Variants in ELAPOR2 observed in about 807,000 individuals in gnomAD.
ELAPOR2 encodes the protein endosome/lysosome-associated apoptosis and autophagy regulator family member 2.
In ELAPOR2, 89 loss-of-function variants were observed where a neutral mutation model predicts 120.7. The ratio of observed to expected loss-of-function variants is 0.74; its 90% CI spans 0.62 to 0.88. ELAPOR2 has a LOEUF of 0.88. ELAPOR2 is among the 40% of genes least tolerant of loss of function. The pLI is 0.00. For missense variants in ELAPOR2, 1,134 were observed against 1,251.6 expected (o/e 0.91, Z 1.42); for synonymous variants, 444 against 444.9 (o/e 1.00, Z 0.03).
chr7:87,011,599 T>G (rs891979099), intron 1 of ELAPOR2, among the ~76,000 whole-genome samples: 1 of 152,224 alleles, frequency 6.6e-6, no homozygotes, highest in Non-Finnish European at 1.5e-5. Flanking sequence ...CATTGTTGTA[T>G]AAAAAATACA....
intron 1 of ELAPOR2, among the ~76,000 whole-genome samples, chr7:87,008,822 G>A (rs1428288740): frequency 6.6e-6 from 1 of 152,212 alleles, no homozygotes; most frequent in African/African-American, 2.4e-5. Context: ...TGTAAACAGT[G>A]AACCTGGGTA....
rs187363794 is a variant in ELAPOR2 at position 86,923,809 on chromosome 7, A to G, written c.1399+1719T>C. On this transcript the variant is annotated intron_variant, in intron 10 of 21. Coordinates refer to ENST00000450689, the MANE Select transcript of ELAPOR2 (RefSeq NM_001142749.3). ...TTTCAATTTTTGTTGTTATAGATAA[A>G]GCCCAATGAACATCTTCATGAATAA... Among the ~76,000 whole-genome samples, 10 of 152,236 alleles carry G rather than the reference A, an allele frequency of 6.6e-5. No individual in the cohort carries two copies. In the East Asian group the frequency reaches 1.9e-3, roughly 30 times the overall value.
At chr7:86,980,571 A>G (rs1034435863) in intron 1 of ELAPOR2, among the ~76,000 whole-genome samples, 4 of 152,056 alleles carry the variant, frequency 2.6e-5, no homozygotes, top group African/African-American at 9.7e-5. Flanking sequence ...CTTGCATTCT[A>G]CGTTGACAAG....
chr7:87,041,864 C>A (rs1176912222), intron 1 of ELAPOR2, among the ~76,000 whole-genome samples: 1 of 151,804 alleles, frequency 6.6e-6, no homozygotes, highest in Admixed American at 6.6e-5. Flanking sequence ...ATTCAGGAAA[C>A]CCATCTCACG....
At chr7:86,934,526 C>T (rs1790479234) in intron 8 of ELAPOR2, among the ~76,000 whole-genome samples, 1 of 151,926 alleles carries the variant, frequency 6.6e-6, no homozygotes, top group South Asian at 2.1e-4. Flanking sequence ...TTCTTAACCA[C>T]TCTAATTTCT....
chr7:86,983,757 G>A (rs1241155196), intron 1 of ELAPOR2, among the ~76,000 whole-genome samples: 3 of 152,158 alleles, frequency 2.0e-5, no homozygotes, highest in Non-Finnish European at 4.4e-5. Flanking sequence ...GACCATCGAT[G>A]CTAGGAAGAA....
chr7:87,056,614 A>C (rs1337285604), intron 1 of ELAPOR2, among the ~76,000 whole-genome samples: 2 of 152,198 alleles, frequency 1.3e-5, no homozygotes, highest in East Asian at 3.8e-4. Flanking sequence ...TCGACTTCAT[A>C]ATCCAAAGAC....
intron 18 of ELAPOR2, among the ~76,000 whole-genome samples, chr7:86,902,526 C>T (rs1788773906): frequency 6.6e-6 from 1 of 152,124 alleles, no homozygotes; most frequent in South Asian, 2.1e-4. Flanking sequence ...GGAGAGCCAC[C>T]ATGAGCTGAT....
At chr7:86,904,007 T>C (rs780649191) in intron 18 of ELAPOR2, among the ~76,000 whole-genome samples, 2 of 152,092 alleles carry the variant, frequency 1.3e-5, no homozygotes, top group Non-Finnish European at 2.9e-5. Context: ...AGGAATTGGA[T>C]GAAAAAATGG....
At chr7:86,978,901 T>G (rs900067365) in intron 1 of ELAPOR2, among the ~76,000 whole-genome samples, 1 of 152,234 alleles carries the variant, frequency 6.6e-6, no homozygotes, top group African/African-American at 2.4e-5. Context: ...TTTTGTTTGA[T>G]CCTTGTGGCA....
At chr7:86,970,473 T>C (rs184547419) in intron 1 of ELAPOR2, among the ~76,000 whole-genome samples, 111 of 152,266 alleles carry the variant, frequency 7.3e-4, no homozygotes, top group South Asian at 1.2e-3. Context: ...CGAATTTAAG[T>C]GCTCAGCAAA....
chr7:86,889,636 CTTG>C (rs1788040195), intron 21 of ELAPOR2, among the ~76,000 whole-genome samples: 1 of 152,024 alleles, frequency 6.6e-6, no homozygotes, highest in South Asian at 2.1e-4. Context: ...CAATTTAAAA[CTTG>C]TTGTTTACTT....
rs540576200 is a variant in ELAPOR2, at chr7:86,900,467, A to T, written c.2559-2835T>A. ...TTTGGAAAGTTTAAAGCAATGCAAAAATATAAAAGACTATTAGCAATGCAT... is the reference window on the plus strand; with the variant it reads ...TTTGGAAAGTTTAAAGCAATGCAAATATATAAAAGACTATTAGCAATGCAT... On this transcript the variant is annotated intron_variant, in intron 18 of 21. Coordinates refer to ENST00000450689, the MANE Select transcript of ELAPOR2 (RefSeq NM_001142749.3). Among the ~76,000 whole-genome samples, 34 of 152,296 alleles carry T rather than the reference A, an allele frequency of 2.2e-4. No individual in the cohort carries two copies. In the South Asian group the frequency reaches 6.6e-3, roughly 30 times the overall value.
intron 2 of ELAPOR2, among the ~76,000 whole-genome samples, chr7:86,962,164 A>G (rs1382991694): frequency 6.6e-6 from 1 of 152,184 alleles, no homozygotes; most frequent in Non-Finnish European, 1.5e-5. Flanking sequence ...AAAAACAAAT[A>G]TATAATATAG....
In ELAPOR2 at chr7:86,946,157, T is replaced by TCACACA. The variant is rs1491424238; in HGVS notation, c.507-1112_507-1111insTGTGTG. Among the ~76,000 whole-genome samples, 258 of 110,604 alleles carry TCACACA rather than the reference T, an allele frequency of 2.3e-3. 1 individual carries two copies. The highest frequency in any genetic ancestry group is 0.01 in the African/African-American group (251 of 23,988). 72.6% of individuals were successfully genotyped at this position (110,604 alleles called of 152,430 possible). On this transcript the variant is annotated intron_variant, in intron 3 of 21. Coordinates refer to ENST00000450689, the MANE Select transcript of ELAPOR2 (RefSeq NM_001142749.3). ...CAAATTAAAACAAAGGGATACCATT[T>TCACACA]CTCACACACACACACACACACACAC...
intron 20 of ELAPOR2, among the ~76,000 whole-genome samples, chr7:86,892,517 GT>G (rs954364136): frequency 5.3e-5 from 8 of 151,544 alleles, no homozygotes; most frequent in Non-Finnish European, 1.2e-4. Context: ...ACTAGGTCTG[GT>G]TTTTTTTGCA....
intron 2 of ELAPOR2, among the ~76,000 whole-genome samples, chr7:86,953,505 T>C (rs1341445078): frequency 6.6e-6 from 1 of 152,228 alleles, no homozygotes; most frequent in African/African-American, 2.4e-5. Context: ...CACTGCTACC[T>C]TGGCATTTGT....
chr7:87,018,482 C>CT (rs1793937870), intron 1 of ELAPOR2, among the ~76,000 whole-genome samples: 1 of 152,044 alleles, frequency 6.6e-6, no homozygotes, highest in South Asian at 2.1e-4. Context: ...TTTGGATTGT[C>CT]TAAGAAATGA....
At chr7:86,889,172 T>G (rs932843908) in intron 21 of ELAPOR2, among the ~76,000 whole-genome samples, 4 of 152,104 alleles carry the variant, frequency 2.6e-5, no homozygotes, top group African/African-American at 7.2e-5. Context: ...CATACATTGT[T>G]ATTCACAATA....
Sources: allele counts gnomAD v4.1 joint callset (sites outside exome capture counted in the v4.1 genomes callset), GRCh38; gene constraint gnomAD v4.1.1; transcripts MANE v1.5; gene names NCBI Gene and HGNC (gene_info 2026-07-23, HGNC 2026-07-21).